Variants in SLC39A10 observed in about 807,000 individuals in gnomAD.
SLC39A10 encodes the protein solute carrier family 39 member 10.
In SLC39A10, 13 loss-of-function variants were observed where a neutral mutation model predicts 65.1. That is an observed-to-expected ratio of 0.20 (90% CI 0.13 to 0.32). SLC39A10 has a LOEUF of 0.32. Among genes scored for constraint, SLC39A10 ranks in the 10% least tolerant of loss-of-function variants. The pLI is 1.00. For missense variants in SLC39A10, 831 were observed against 1,018.4 expected, an observed-to-expected ratio of 0.82 and a Z score of 2.50; for synonymous variants, 321 against 342.2, an observed-to-expected ratio of 0.94 and a Z score of 0.68.
At chr2:195,628,559 C>T (rs191751835) in intron 2 of SLC39A10, among the ~76,000 whole-genome samples, 3 of 152,254 alleles carry the variant, frequency 2.0e-5, no homozygotes, top group African/African-American at 7.2e-5. Flanking sequence ...CCTCATGAAA[C>T]ATACATTCTA....
At chr2:195,719,004 C>T (rs1337894326) in intron 8 of SLC39A10, among the ~76,000 whole-genome samples, 7 of 151,128 alleles carry the variant, frequency 4.6e-5, no homozygotes, top group Non-Finnish European at 1.0e-4. Flanking sequence ...TGATTTTGGT[C>T]GAATGGAACT....
intron 3 of SLC39A10, among the ~76,000 whole-genome samples, chr2:195,687,782 C>T (rs1458114726): frequency 6.6e-6 from 1 of 152,174 alleles, no homozygotes; most frequent in Non-Finnish European, 1.5e-5. Context: ...ACCTAATATG[C>T]TATATACTGT....
intron 1 of SLC39A10, chr2:195,671,679 G>A (rs2105752128): frequency 6.6e-6 from 1 of 152,272 alleles, no homozygotes; most frequent in South Asian, 2.1e-4. Context: ...TGCTGTCGAT[G>A]GAAAAGATTG....
chr2:195,641,292 G>A (rs543098752), intron 2 of SLC39A10, among the ~76,000 whole-genome samples: 1 of 152,314 alleles, frequency 6.6e-6, no homozygotes, highest in Admixed American at 6.5e-5. Context: ...GGGGTGCCGA[G>A]GAGATGAGGC....
intron 1 of SLC39A10, among the ~76,000 whole-genome samples, chr2:195,665,061 C>T (rs1489383552): frequency 2.0e-5 from 3 of 152,106 alleles, no homozygotes; most frequent in African/African-American, 4.8e-5. Flanking sequence ...CGGTGGCTCA[C>T]GCCTGTAATC....
At chr2:195,695,769 C>G (rs1210598747) in intron 3 of SLC39A10, among the ~76,000 whole-genome samples, 1 of 152,162 alleles carries the variant, frequency 6.6e-6, no homozygotes, top group Non-Finnish European at 1.5e-5. Flanking sequence ...TTTTGATGCA[C>G]AAATTTTTAA....
At chr2:195,637,806 AG>A (rs1688722504) in intron 2 of SLC39A10, among the ~76,000 whole-genome samples, 1 of 152,226 alleles carries the variant, frequency 6.6e-6, no homozygotes, top group African/African-American at 2.4e-5. Flanking sequence ...CCTTTAAAAA[AG>A]ATTGAGCTTA....
At chr2:195,682,235 A>G (rs920973437) in intron 2 of SLC39A10, among the ~76,000 whole-genome samples, 7 of 152,236 alleles carry the variant, frequency 4.6e-5, no homozygotes, top group East Asian at 3.9e-4. Context: ...TTTGTTGTTC[A>G]TATGTATAGA....
Position 195,639,811 on chromosome 2 carries a change from T to G in SLC39A10, c.-12+33578T>G, listed in dbSNP as rs571175569. ...AGCTGGTCTTGAACTCCTGACCACC[T>G]GGCTCAGCCTCCCAAAGCACTGGGA... is the stretch of plus-strand genomic sequence containing the variant. On this transcript the variant is annotated intron_variant, in intron 2 of 2. Coordinates refer to the SLC39A10 transcript ENST00000458054. 3.3e-5 allele frequency among the ~76,000 whole-genome samples: 5 copies of G among 152,276 alleles called. No individual in the cohort carries two copies. In the South Asian group the frequency reaches 1.0e-3, roughly 32 times the overall value.
intron 6 of SLC39A10, among the ~76,000 whole-genome samples, chr2:195,715,215 T>A (rs1459141290): frequency 6.6e-6 from 1 of 152,138 alleles, no homozygotes; most frequent in Non-Finnish European, 1.5e-5. Flanking sequence ...GGTATAATCA[T>A]AAAGAACTCT....
chr2:195,654,649 T>C (rs1231018795), upstream of SLC39A10, among the ~76,000 whole-genome samples: 1 of 152,334 alleles, frequency 6.6e-6, no homozygotes, highest in East Asian at 1.9e-4. Context: ...TGAGCTTCTT[T>C]ATGAATCAAG....
chr2:195,683,182 C>G (rs1455392325), intron 2 of SLC39A10, among the ~76,000 whole-genome samples: 2 of 150,258 alleles, frequency 1.3e-5, no homozygotes, highest in Non-Finnish European at 3.0e-5. Context: ...TTTTAAAGTA[C>G]CAGTGGATGA....
chr2:195,697,772 A>T (rs1425435509), intron 3 of SLC39A10, among the ~76,000 whole-genome samples: 4 of 152,218 alleles, frequency 2.6e-5, no homozygotes, highest in African/African-American at 9.6e-5. Flanking sequence ...ACATGAATAA[A>T]CACTTTTCAA....
At chr2:195,652,060 G>A (rs964668905), upstream of SLC39A10, among the ~76,000 whole-genome samples, 5 of 152,098 alleles carry the variant, frequency 3.3e-5, no homozygotes, top group Non-Finnish European at 7.3e-5. Flanking sequence ...ATACATGTAC[G>A]ATGTACATTG....
intron 3 of SLC39A10, among the ~76,000 whole-genome samples, chr2:195,684,163 T>C (rs1477668442): frequency 6.6e-6 from 1 of 152,018 alleles, no homozygotes; most frequent in African/African-American, 2.4e-5. Context: ...AAAAATGAAA[T>C]ATAGATTTGT....
At chr2:195,684,944 A>G (rs1690467743) in intron 3 of SLC39A10, among the ~76,000 whole-genome samples, 1 of 152,156 alleles carries the variant, frequency 6.6e-6, no homozygotes, top group African/African-American at 2.4e-5. Flanking sequence ...ACACTGTTCT[A>G]AGCTGAATTC....
At chr2:195,621,438 G>A (rs1002593546) in intron 2 of SLC39A10, among the ~76,000 whole-genome samples, 1 of 152,218 alleles carries the variant, frequency 6.6e-6, no homozygotes, top group African/African-American at 2.4e-5. Flanking sequence ...TTCTTTGAAG[G>A]AAGTGTTTGA....
At chr2:195,639,061 T>C (rs1488041280) in intron 2 of SLC39A10, among the ~76,000 whole-genome samples, 1 of 152,024 alleles carries the variant, frequency 6.6e-6, no homozygotes, top group Admixed American at 6.6e-5. Flanking sequence ...GCTCAAGTGA[T>C]CCTCCTGCCT....
chr2:195,674,810 A>G (rs1690018901), intron 1 of SLC39A10, among the ~76,000 whole-genome samples: 1 of 140,180 alleles, frequency 7.1e-6, no homozygotes, highest in African/African-American at 2.6e-5. Flanking sequence ...CTTCTAGGCT[A>G]CAAACCTGTT....
Sources: gnomAD v4.1 joint callset for allele counts (sites outside exome capture counted in the v4.1 genomes callset) on GRCh38, gnomAD v4.1.1 for gene constraint, MANE v1.5 for transcripts, NCBI Gene and HGNC (gene_info 2026-07-23, HGNC 2026-07-21) for gene names.